Variants in TMTC2 observed in about 807,000 individuals in gnomAD.
The protein encoded by TMTC2 is transmembrane O-mannosyltransferase targeting cadherins 2, also known as protein O-mannosyl-transferase TMTC2.
TMTC2 carries 43 observed loss-of-function variants against 82.4 expected under a neutral mutation model. The ratio of observed to expected loss-of-function variants is 0.52; its 90% CI spans 0.41 to 0.67. TMTC2 has a LOEUF of 0.67. TMTC2 is among the 30% of genes least tolerant of loss of function. TMTC2 has a pLI of 0.00. For synonymous variants in TMTC2, 408 were observed against 381.9 expected, an observed-to-expected ratio of 1.07 and a Z score of -0.80; for missense variants, 919 against 1,012.4, an observed-to-expected ratio of 0.91 and a Z score of 1.25.
intron 1 of TMTC2, among the ~76,000 whole-genome samples, chr12:82,691,629 T>C (rs553272828): frequency 4.5e-4 from 69 of 152,306 alleles, no homozygotes; most frequent in Non-Finnish European, 8.4e-4. Flanking sequence ...TTTTTTGACC[T>C]GGTATGATAG....
rs149621895 is a variant in TMTC2, at chr12:83,024,260, A to T, written c.2071-6538A>T. ...CAAATATTTGTATCAAAATTTTTTT[A>T]AAAAATTTTAAACTATCAAATAATG... On this transcript the variant is annotated intron_variant, in intron 8 of 11. Coordinates refer to ENST00000321196, the MANE Select transcript of TMTC2 (RefSeq NM_152588.3). 1.4e-4 allele frequency among the ~76,000 whole-genome samples: 21 copies of T among 152,272 alleles called. No individual in the cohort carries two copies. In the East Asian group the frequency reaches 3.1e-3, roughly 22 times the overall value.
At chr12:83,015,553 T>C (rs1250359365) in intron 8 of TMTC2, among the ~76,000 whole-genome samples, 1 of 152,190 alleles carries the variant, frequency 6.6e-6, no homozygotes, top group Admixed American at 6.5e-5. Flanking sequence ...GTCTTTGATG[T>C]TGACAGTGGT....
chr12:82,875,917 A>AG (rs1565788459), intron 2 of TMTC2, among the ~76,000 whole-genome samples: 4 of 151,534 alleles, frequency 2.6e-5, no homozygotes, highest in African/African-American at 9.7e-5. Context: ...AAAAAAAAAA[A>AG]AAAGAAAGAA....
intron 7 of TMTC2, among the ~76,000 whole-genome samples, chr12:82,978,448 A>G (rs1878774871): frequency 6.6e-6 from 1 of 151,704 alleles, no homozygotes; most frequent in South Asian, 2.1e-4. Flanking sequence ...TCCATCTAAA[A>G]TACTATTTTG....
At chr12:82,901,391 G>A (rs1398420121) in intron 3 of TMTC2, among the ~76,000 whole-genome samples, 3 of 146,804 alleles carry the variant, frequency 2.0e-5, no homozygotes, top group Non-Finnish European at 4.5e-5. Flanking sequence ...CACGACCTCC[G>A]ACTTCTGGGT....
chr12:82,748,194 C>G (rs559936440), intron 1 of TMTC2, among the ~76,000 whole-genome samples: 1 of 152,132 alleles, frequency 6.6e-6, no homozygotes, highest in South Asian at 2.1e-4. Context: ...ACCTGTAGTC[C>G]CAGCTACTCA....
At chr12:82,940,167 G>A (rs763257818) in intron 4 of TMTC2, among the ~76,000 whole-genome samples, 8 of 151,546 alleles carry the variant, frequency 5.3e-5, no homozygotes, top group Non-Finnish European at 1.0e-4. Flanking sequence ...ATAGGCATGC[G>A]CCACCAAGCC....
chr12:82,710,727 G>A (rs1009374968), intron 1 of TMTC2, among the ~76,000 whole-genome samples: 1 of 152,154 alleles, frequency 6.6e-6, no homozygotes, highest in Non-Finnish European at 1.5e-5. Flanking sequence ...GAGTCCTTGG[G>A]TTTATTCTCA....
chr12:83,064,981 A>G (rs1882866917), intron 11 of TMTC2, among the ~76,000 whole-genome samples: 1 of 151,960 alleles, frequency 6.6e-6, no homozygotes, highest in Non-Finnish European at 1.5e-5. Context: ...TCCCCTACAC[A>G]GTAATCTAAT....
intron 11 of TMTC2, among the ~76,000 whole-genome samples, chr12:83,128,143 A>T (rs1002966582): frequency 6.6e-6 from 1 of 152,146 alleles, no homozygotes; most frequent in Admixed American, 6.6e-5. Context: ...GTTGTCTTTA[A>T]TAAAAGACCA....
chr12:82,704,978 C>A (rs1476010786), intron 1 of TMTC2, among the ~76,000 whole-genome samples: 3 of 152,102 alleles, frequency 2.0e-5, no homozygotes, highest in African/African-American at 7.2e-5. Context: ...GAAACTGTGG[C>A]ATATGTATAC....
At chr12:82,863,971 G>A (rs971852552) in intron 2 of TMTC2, among the ~76,000 whole-genome samples, 1 of 152,112 alleles carries the variant, frequency 6.6e-6, no homozygotes, top group African/African-American at 2.4e-5. Flanking sequence ...TTTTGGTTGA[G>A]GGGATCAAGA....
intron 1 of TMTC2, among the ~76,000 whole-genome samples, chr12:82,816,902 G>A (rs931350694): frequency 5.3e-5 from 8 of 151,598 alleles, no homozygotes; most frequent in Non-Finnish European, 7.4e-5. Context: ...ATTGGTGAAA[G>A]AGAATATAGC....
At chr12:83,122,421 A>G (rs996497992) in intron 11 of TMTC2, among the ~76,000 whole-genome samples, 1 of 151,752 alleles carries the variant, frequency 6.6e-6, no homozygotes, top group African/African-American at 2.4e-5. Context: ...GCCTCTGGCC[A>G]CCCTCCTGAA....
chr12:82,888,882 A>G (rs1873240573), intron 2 of TMTC2, among the ~76,000 whole-genome samples: 1 of 152,228 alleles, frequency 6.6e-6, no homozygotes. Context: ...CATAAAATTA[A>G]GGTAACAATC....
intron 2 of TMTC2, among the ~76,000 whole-genome samples, chr12:82,885,521 C>T (rs1873050935): frequency 6.7e-6 from 1 of 149,940 alleles, no homozygotes; most frequent in Admixed American, 6.7e-5. Context: ...AGGTGTATGC[C>T]ACCATGTCTG....
At chr12:82,850,422 G>C (rs138198745) in intron 1 of TMTC2, among the ~76,000 whole-genome samples, 12 of 151,014 alleles carry the variant, frequency 7.9e-5, no homozygotes, top group South Asian at 4.2e-4. Context: ...GTGTAGGCTC[G>C]TGAGCAACCC....
intron 11 of TMTC2, among the ~76,000 whole-genome samples, chr12:83,131,085 T>C (rs1885244024): frequency 1.3e-5 from 2 of 152,234 alleles, no homozygotes; most frequent in Non-Finnish European, 2.9e-5. Flanking sequence ...AAAATAATTG[T>C]GATTTCGGAC....
chr12:82,825,854 GCACACACACA>G (rs113069531), intron 1 of TMTC2, among the ~76,000 whole-genome samples: 27 of 147,614 alleles, frequency 1.8e-4, no homozygotes, highest in South Asian at 4.3e-4. Flanking sequence ...GATAGGGAAA[GCACACACACA>G]CACACACACA....
Sources: gnomAD v4.1 joint callset for allele counts (sites outside exome capture counted in the v4.1 genomes callset) on GRCh38, gnomAD v4.1.1 for gene constraint, MANE v1.5 for transcripts, NCBI Gene and HGNC (gene_info 2026-07-23, HGNC 2026-07-21) for gene names.